The following URB2 variants were observed in gnomAD, a reference collection of about 807,000 sequenced individuals.
URB2 encodes unhealthy ribosome biogenesis protein 2 homolog.
A neutral mutation model predicts 120.9 loss-of-function variants in URB2; 86 were observed. The observed-to-expected ratio is 0.71, with a 90% CI of 0.60 to 0.85. The LOEUF is 0.85. Ranked by LOEUF, URB2 falls within the 40% of genes least tolerant of loss-of-function variation. The probability of loss-of-function intolerance (pLI) is 0.00; values close to 1 mark genes in which losing one functional copy is unlikely to be tolerated. For missense variants in URB2, 1,765 were observed against 1,836.5 expected (o/e 0.96, Z 0.71); for synonymous variants, 755 against 758.4 (o/e 1.00, Z 0.07).
Position 229,635,375 on chromosome 1 carries a change from C to T in URB2, c.762C>T (p.Tyr254=), listed in dbSNP as rs751772227. The change falls in exon 4 of 10, where the codon TAC becomes TAT. Residue 254 remains tyrosine, a synonymous_variant. Coordinates refer to ENST00000258243, the MANE Select transcript of URB2 (RefSeq NM_014777.4). ...TTCAGCCTGAGCTACTGTCATCCTA[C>T]AAGGAGGGGCTCTTGGACCAGCAGC... ...GIFQPELLSS[Y]KEGLLDQQQG... 2.5e-6 allele frequency: 4 copies of T among 1,614,086 alleles called. No homozygotes were observed. Among genetic ancestry groups the T allele is most frequent in the South Asian group, 1.1e-5 (1 of 91,076 alleles).
rs1558175147 is a variant in URB2 at position 229,659,295 on chromosome 1, T to C, written c.4573T>C (p.Ter1525GlnextTer20). The change falls in exon 10 of 10, where the codon TAA becomes CAA. Residue 1525 changes from the stop codon to glutamine (Q), a stop_lost. Transcript: ENST00000258243. ...KHEGEKRYTA* is the reference protein window; with the variant it reads ...KHEGEKRYTAQ ...TGAAGGAGAGAAAAGATATACGGCC[T>C]AAGGCTATGGGACAGAAGTGCCGCC... The C allele has an allele frequency of 1.9e-6, 3 of 1,613,508 alleles. No individual in the cohort carries two copies. In the South Asian group the frequency reaches 3.3e-5, roughly 18 times the overall value.
rs144974187 is a variant in URB2, at chr1:229,641,531, C to T, written c.3635-2002C>T. On this transcript the variant is annotated intron_variant, in intron 4 of 9. Coordinates refer to ENST00000258243, the MANE Select transcript of URB2 (RefSeq NM_014777.4). ...CAGGGAAGTGCCAGAGTTGTGAGTG[C>T]TCTGGAAGAAATGCCAAGTGAGGAG... is the stretch of plus-strand genomic sequence containing the variant. Among the ~76,000 whole-genome samples, 522 of 152,208 alleles carry T rather than the reference C, an allele frequency of 3.4e-3. 3 individuals are homozygous for T. The highest frequency in any genetic ancestry group is 0.012 in the African/African-American group (496 of 41,544).
rs749833401 is a variant in URB2, at chr1:229,637,887, G to A, written c.3274G>A (p.Val1092Met). 1.2e-6 allele frequency: 2 copies of A among 1,601,050 alleles called. No individual in the cohort carries two copies. The highest frequency in any genetic ancestry group is 2.7e-5 in the African/African-American group (2 of 74,202). Residue 1092 changes from valine (V) to methionine (M), a missense_variant, in exon 4 of 10, where the codon GTG becomes ATG. Val to Met is a conservative substitution (Grantham distance 21). Transcript: ENST00000258243. ...AALSELLQQV[V>M]LQTGAVLQLC... ...ACTGTCTGAGCTGCTGCAGCAGGTT[G>A]TGCTGCAGACAGGAGCTGTGCTGCA...
chr1:229,654,699 G>A (rs762150546), intron 9 of URB2, among the ~76,000 whole-genome samples: 1 of 152,116 alleles, frequency 6.6e-6, no homozygotes, highest in Non-Finnish European at 1.5e-5. Flanking sequence ...CCTATGTTGT[G>A]CAGGCTGGTC....
chr1:229,638,922 A>C (rs1665929724), intron 4 of URB2, among the ~76,000 whole-genome samples: 2 of 152,200 alleles, frequency 1.3e-5, no homozygotes, highest in African/African-American at 4.8e-5. Flanking sequence ...CTGCAATGAG[A>C]TACATAGATA....
intron 5 of URB2, 100 bp downstream of exon 5, chr1:229,643,793 A>G: frequency 6.8e-7 from 1 of 1,465,958 alleles, no homozygotes. Context: ...AAACTAAACA[A>G]GTTCTAACTG....
chr1:229,632,261 A>G lies in URB2; in HGVS notation c.127-8A>G. 1 of 1,539,286 alleles carries G rather than the reference A, an allele frequency of 6.5e-7. No individual in the cohort carries two copies. The highest frequency in any genetic ancestry group is 8.7e-7 in the Non-Finnish European group (1 of 1,152,868). ...TTTATTTTCAGTGTATGTGTCCTTC[A>G]AATTCAGGTGTTACTTGATTGGGCA... On this transcript the variant is annotated splice_region_variant and splice_polypyrimidine_tract_variant and intron_variant, in intron 2 of 9. Transcript: ENST00000258243.
At chr1:229,645,109 A>AC (rs1666108170) in intron 5 of URB2, among the ~76,000 whole-genome samples, 1 of 151,916 alleles carries the variant, frequency 6.6e-6, no homozygotes, top group African/African-American at 2.4e-5. Context: ...ACATAGTGAA[A>AC]CCCCGTCCCT....
intron 2 of URB2, among the ~76,000 whole-genome samples, chr1:229,630,421 G>A (rs541336795): frequency 6.6e-6 from 1 of 152,158 alleles, no homozygotes; most frequent in African/African-American, 2.4e-5. Flanking sequence ...TCTTCTTATA[G>A]GAATCTTTTT....
rs777040476 is a variant in URB2 at position 229,638,187 on chromosome 1, C to T, written c.3574C>T (p.His1192Tyr). Residue 1192 changes from histidine to tyrosine, a missense_variant, in exon 4 of 10, where the codon CAT becomes TAT. His to Tyr is a moderately conservative substitution (Grantham distance 83). Coordinates refer to ENST00000258243, the MANE Select transcript of URB2 (RefSeq NM_014777.4). ...LTLFFLAPEL[H>Y]PKKDSVFTSM... ...TCTGTTCTTTTTGGCCCCAGAACTGCATCCCAAAAAGGACTCCGTGTTTAC... is the reference window on the plus strand; with the variant it reads ...TCTGTTCTTTTTGGCCCCAGAACTGTATCCCAAAAAGGACTCCGTGTTTAC... The T allele has an allele frequency of 6.2e-7, 1 of 1,612,822 alleles. No individual in the cohort carries two copies. Among genetic ancestry groups the T allele is most frequent in the East Asian group, 2.2e-5 (1 of 44,876 alleles).
intron 4 of URB2, among the ~76,000 whole-genome samples, chr1:229,641,329 T>C (rs1487472466): frequency 1.3e-5 from 2 of 152,170 alleles, no homozygotes; most frequent in Non-Finnish European, 2.9e-5. Flanking sequence ...AGGCAGTCTT[T>C]AAGTCCTAAG....
At chr1:229,639,493 C>A (rs1303603198) in intron 4 of URB2, among the ~76,000 whole-genome samples, 2 of 152,004 alleles carry the variant, frequency 1.3e-5, no homozygotes, top group Non-Finnish European at 2.9e-5. Context: ...CGCCACCACG[C>A]CCGGCTAATT....
chr1:229,638,475 C>T lies in URB2; in HGVS notation c.3634+228C>T, dbSNP rs1665914052. 5.3e-5 allele frequency among the ~76,000 whole-genome samples: 8 copies of T among 152,066 alleles called. 1 individual carries two copies. In the South Asian group the frequency reaches 1.7e-3, roughly 32 times the overall value. On this transcript the variant is annotated intron_variant, in intron 4 of 9. Transcript: ENST00000258243. ...CCTGGCTAACACGGAGAAACCCCAT[C>T]TCTAGTAAAAAATACAAATAATTAG...
intron 1 of URB2, among the ~76,000 whole-genome samples, 160 bp from the exon 2 acceptor site, chr1:229,627,461 A>T (rs1416613866): frequency 6.6e-6 from 1 of 152,188 alleles, no homozygotes; most frequent in Non-Finnish European, 1.5e-5. Context: ...AGCATCTTGT[A>T]TGTAGATTTA....
At chr1:229,659,067 A>G (rs754081971) in intron 9 of URB2, 33 bp from the exon 10 acceptor site, 6 of 1,596,436 alleles carry the variant, frequency 3.8e-6, no homozygotes, top group East Asian at 2.2e-5. Context: ...TCTGCCCCCA[A>G]TTGTTCTCAC....
chr1:229,627,477 A>G (rs554170211), intron 1 of URB2, 144 bp from the exon 2 acceptor site: 2 of 778,434 alleles, frequency 2.6e-6, no homozygotes, highest in African/African-American at 1.8e-5. Context: ...ATTTACCCCG[A>G]CAAATCTGTT....
chr1:229,648,493 T>C (rs978838795), intron 7 of URB2, among the ~76,000 whole-genome samples: 1 of 152,250 alleles, frequency 6.6e-6, no homozygotes, highest in African/African-American at 2.4e-5. Flanking sequence ...TTTTATAGTA[T>C]GCTCCTTTTT....
At chr1:229,644,102 C>A (rs369617541) in intron 5 of URB2, among the ~76,000 whole-genome samples, 1 of 152,242 alleles carries the variant, frequency 6.6e-6, no homozygotes, top group African/African-American at 2.4e-5. Flanking sequence ...TAGCCTACCC[C>A]CTTCAGTTCT....
chr1:229,648,479 C>T (rs1228242662), intron 7 of URB2, among the ~76,000 whole-genome samples: 1 of 152,188 alleles, frequency 6.6e-6, no homozygotes, highest in Admixed American at 6.5e-5. Context: ...ATCCTGAGTT[C>T]CAGTTTTATA....
Sources: gnomAD v4.1 joint callset for allele counts (sites outside exome capture counted in the v4.1 genomes callset) on GRCh38, gnomAD v4.1.1 for gene constraint, MANE v1.5 for transcripts, NCBI Gene and HGNC (gene_info 2026-07-23, HGNC 2026-07-21) for gene names.